SEC14L2: variants seen among roughly 807,000 people sequenced by gnomAD.
SEC14L2 encodes SEC14-like protein 2.
In SEC14L2, 50 loss-of-function variants were observed where a neutral mutation model predicts 56.9. The observed-to-expected ratio is 0.88, with a 90% confidence interval of 0.70 to 1.11. SEC14L2 has a LOEUF of 1.11. Among genes scored for constraint, SEC14L2 ranks in the 50% most tolerant of loss-of-function variants. The pLI, the probability that SEC14L2 is intolerant of heterozygous loss-of-function variation, is 0.00. For synonymous variants in SEC14L2, 179 were observed against 188.5 expected (o/e 0.95, Z 0.41); for missense variants, 414 against 500.7 (o/e 0.83, Z 1.65).
At chr22:30,410,332 G>A (rs1418662715) in intron 7 of SEC14L2, among the ~76,000 whole-genome samples, 5 of 152,254 alleles carry the variant, frequency 3.3e-5, no homozygotes, top group Non-Finnish European at 7.3e-5. Context: ...AGAGCTTTCA[G>A]TATTTATAAT....
chr22:30,403,232 C>T (rs1294790650), intron 2 of SEC14L2, among the ~76,000 whole-genome samples: 1 of 152,216 alleles, frequency 6.6e-6, no homozygotes, highest in Non-Finnish European at 1.5e-5. Context: ...CCTTTCTCCA[C>T]TGAGGGCTTC....
chr22:30,417,693 G>T (rs181498001), intron 11 of SEC14L2, among the ~76,000 whole-genome samples: 1 of 152,288 alleles, frequency 6.6e-6, no homozygotes, highest in Admixed American at 6.5e-5. Flanking sequence ...CAAGGCCTGT[G>T]GGAGAAGGGC....
chr22:30,420,180 C>T (rs926297356), intron 11 of SEC14L2, among the ~76,000 whole-genome samples: 3 of 152,068 alleles, frequency 2.0e-5, no homozygotes, highest in South Asian at 2.1e-4. Flanking sequence ...CTTGAACTCC[C>T]GGCCTCAGGT....
intron 8 of SEC14L2, among the ~76,000 whole-genome samples, chr22:30,411,855 A>G (rs1219287124): frequency 2.6e-5 from 4 of 151,922 alleles, no homozygotes; most frequent in Non-Finnish European, 5.9e-5. Flanking sequence ...GGGAAACCAC[A>G]AAGTGCATGG....
chr22:30,414,417 G>T lies in SEC14L2; in HGVS notation c.665-1342G>T, dbSNP rs35117632. Reference sequence around the variant, plus strand: ...GGAAGATACAGAATTTTCAACAGAGGGGGGAGATTCACTCGGGCTGGTCAC... The same window carrying T: ...GGAAGATACAGAATTTTCAACAGAGTGGGGAGATTCACTCGGGCTGGTCAC... On this transcript the variant is annotated intron_variant, in intron 8 of 11. Coordinates refer to ENST00000615189, the MANE Select transcript of SEC14L2 (RefSeq NM_012429.5). Among the ~76,000 whole-genome samples the T allele has an allele frequency of 3.2e-4, 48 of 152,184 alleles. 1 individual carries two copies. The South Asian group carries it at 6.0e-3, about 19-fold the overall frequency.
In SEC14L2 at chr22:30,420,668, T is replaced by C. The variant is rs566411000; in HGVS notation, c.1082-1609T>C. The C allele has an allele frequency of 2.6e-5, 4 of 151,828 alleles. No homozygotes were observed. In the East Asian group the frequency reaches 7.8e-4, roughly 29 times the overall value. 9.4% of individuals were successfully genotyped at this position (151,828 alleles called of 1,614,324 possible). ...ACCTTCACCATGAGGAAAGAGTGGG[T>C]GGTGTGTCTACCCTTTGTCTAAACT... On this transcript the variant is annotated intron_variant, in intron 11 of 11. Transcript: ENST00000615189.
At chr22:30,410,436 G>A (rs146766116) in intron 7 of SEC14L2, among the ~76,000 whole-genome samples, 160 bp from the exon 8 acceptor site, 2,315 of 152,320 alleles carry the variant, frequency 0.015, 42 homozygotes, top group Middle Eastern at 0.037. Context: ...AGATGCCCAT[G>A]CTGAGCTGCA....
chr22:30,406,286 C>T (rs1934090101), intron 2 of SEC14L2, 56 bp from the exon 3 acceptor site: 8 of 1,580,228 alleles, frequency 5.1e-6, no homozygotes, highest in Middle Eastern at 1.7e-4. Flanking sequence ...TCTCCCCATC[C>T]TTGGACACCC....
intron 8 of SEC14L2, among the ~76,000 whole-genome samples, chr22:30,413,438 A>C (rs1934306253): frequency 6.6e-6 from 1 of 152,176 alleles, no homozygotes; most frequent in Admixed American, 6.5e-5. Context: ...TAGATTGGGC[A>C]TCCAGGTGTG....
chr22:30,397,314 C>T (rs1456946932), intron 1 of SEC14L2, 144 bp downstream of exon 1: 3 of 762,180 alleles, frequency 3.9e-6, no homozygotes, highest in South Asian at 2.0e-5. Flanking sequence ...CAGCCTGGCC[C>T]GCGCCCGCGG....
At chr22:30,422,227 C>T in intron 11 of SEC14L2, 50 bp from the exon 12 acceptor site, 1 of 1,609,128 alleles carries the variant, frequency 6.2e-7, no homozygotes, top group Non-Finnish European at 8.5e-7. Context: ...TGTCCCCAAG[C>T]CCTTTGCCAG....
chr22:30,397,703 T>C, intron 1 of SEC14L2: 1 of 362,156 alleles, frequency 2.8e-6, no homozygotes, highest in Non-Finnish European at 5.7e-6. Context: ...ATGAGGAGGT[T>C]GGACCAGATG....
In SEC14L2 at chr22:30,407,433, T is replaced by C. The variant is rs1402645364; in HGVS notation, c.253T>C (p.Ser85Pro). Residue 85 changes from serine to proline, a missense_variant, in exon 5 of 12, where the codon TCA (serine) becomes CCA (proline). Physicochemically the swap from Ser to Pro is moderately conservative, Grantham distance 74. Coordinates refer to ENST00000615189, the MANE Select transcript of SEC14L2 (RefSeq NM_012429.5). ...QPPEVIQQYL[S>P]GGMCGYDLDG... ...TGCCCAGGTGATCCAACAGTATCTG[T>C]CAGGGGGTATGTGTGGCTATGACCT... 2 of 1,613,964 alleles carry C rather than the reference T, an allele frequency of 1.2e-6. No homozygotes were observed. The highest frequency in any genetic ancestry group is 1.7e-6 in the Non-Finnish European group (2 of 1,179,988).
intron 2 of SEC14L2, among the ~76,000 whole-genome samples, chr22:30,405,886 G>C (rs569348212): frequency 6.6e-6 from 1 of 151,916 alleles, no homozygotes; most frequent in Admixed American, 6.6e-5. Flanking sequence ...TTGGAGAGAC[G>C]AGGTCTCACT....
intron 8 of SEC14L2, among the ~76,000 whole-genome samples, chr22:30,412,107 A>G (rs1288555583): frequency 6.6e-6 from 1 of 152,104 alleles, no homozygotes; most frequent in Non-Finnish European, 1.5e-5. Flanking sequence ...GCCCCAGAGA[A>G]TCCCGGGCAC....
At chr22:30,406,265 G>C in intron 2 of SEC14L2, 77 bp from the exon 3 acceptor site, 1 of 1,428,298 alleles carries the variant, frequency 7.0e-7, no homozygotes, top group Non-Finnish European at 9.9e-7. Context: ...CCTATCATGG[G>C]AATATGGGAA....
intron 1 of SEC14L2, 91 bp downstream of exon 1, chr22:30,397,261 G>A (rs1364398449): frequency 4.2e-6 from 5 of 1,196,140 alleles, no homozygotes; most frequent in Non-Finnish European, 2.3e-6. Context: ...GGTGGGGGCC[G>A]AGGGTCCGTG....
intron 5 of SEC14L2, chr22:30,408,979 A>G: frequency 3.1e-6 from 2 of 654,062 alleles, no homozygotes. Context: ...TGTACTGGAA[A>G]AGAACACAGA....
intron 1 of SEC14L2, among the ~76,000 whole-genome samples, chr22:30,398,322 C>G (rs988280874): frequency 2.6e-5 from 4 of 152,082 alleles, no homozygotes; most frequent in Non-Finnish European, 4.4e-5. Flanking sequence ...GAGCAGTTTC[C>G]CTGGTGCACT....
Sources: gnomAD v4.1 joint callset for allele counts (sites outside exome capture counted in the v4.1 genomes callset) on GRCh38, gnomAD v4.1.1 for gene constraint, MANE v1.5 for transcripts, NCBI Gene and HGNC (gene_info 2026-07-23, HGNC 2026-07-21) for gene names.